CRYBG3: variants seen among roughly 807,000 people sequenced by gnomAD.
CRYBG3 encodes crystallin beta-gamma domain containing 3, also known as very large A-kinase anchor protein.
A neutral mutation model predicts 244.2 loss-of-function variants in CRYBG3; 127 were observed. That is an observed-to-expected ratio of 0.52 (90% CI 0.45 to 0.60). The LOEUF (loss-of-function observed/expected upper bound fraction) is 0.60, where lower values mean the gene tolerates loss of function less well. Among genes scored for constraint, CRYBG3 ranks in the 20% least tolerant of loss-of-function variants. The probability of loss-of-function intolerance (pLI) is 0.00; values close to 1 mark genes in which losing one functional copy is unlikely to be tolerated. For missense variants in CRYBG3, 3,325 were observed against 3,442.5 expected, an observed-to-expected ratio of 0.97 and a Z score of 0.85; for synonymous variants, 1,132 against 1,195.8, an observed-to-expected ratio of 0.95 and a Z score of 1.10.
intron 1 of CRYBG3, among the ~76,000 whole-genome samples, chr3:97,835,099 C>G (rs1158242301): frequency 6.6e-6 from 1 of 151,982 alleles, no homozygotes; most frequent in Non-Finnish European, 1.5e-5. Context: ...CAATAGTGCT[C>G]TAACATTTCT....
intron 1 of CRYBG3, among the ~76,000 whole-genome samples, chr3:97,823,894 A>G (rs534232770): frequency 6.6e-5 from 10 of 152,138 alleles, no homozygotes; most frequent in South Asian, 2.1e-4. Context: ...TCTCAATTCT[A>G]ATTTCTTTAC....
At chr3:97,942,586 C>A (rs984561421) in intron 21 of CRYBG3, 143 bp downstream of exon 21, 2 of 770,492 alleles carry the variant, frequency 2.6e-6, no homozygotes, top group Non-Finnish European at 2.0e-6. Context: ...TTAAGATAGG[C>A]AGTTTTACAA....
chr3:97,904,467 G>T (rs2039741166), intron 15 of CRYBG3, among the ~76,000 whole-genome samples: 1 of 152,038 alleles, frequency 6.6e-6, no homozygotes, highest in African/African-American at 2.4e-5. Flanking sequence ...CAAAAAACTG[G>T]AGGTGGCTAC....
intron 2 of CRYBG3, among the ~76,000 whole-genome samples, chr3:97,858,369 C>A (rs1208174341): frequency 6.6e-6 from 1 of 151,846 alleles, no homozygotes; most frequent in Non-Finnish European, 1.5e-5. Context: ...TCAGAAAGGA[C>A]CTTTTGAGGT....
At chr3:97,927,219 C>T (rs1180469224) in intron 17 of CRYBG3, among the ~76,000 whole-genome samples, 1 of 151,864 alleles carries the variant, frequency 6.6e-6, no homozygotes, top group Admixed American at 6.6e-5. Context: ...AAAAAACAGA[C>T]ACAGAGGCCA....
chr3:97,876,567 T>G lies in CRYBG3; in HGVS notation c.5373T>G (p.Thr1791=). Residue 1791 remains threonine, a synonymous_variant, in exon 4 of 22, where the codon ACT becomes ACG. Coordinates refer to ENST00000389622, the MANE Select transcript of CRYBG3 (RefSeq NM_153605.4). ...VLKMEATYRK[T]AEEVIKNTEI... is the part of the protein sequence containing the mutation. ...AAATGGAAGCTACTTACCGAAAGACTGCTGAAGAGGTCATTAAGAATACTG... is the reference window on the plus strand; with the variant it reads ...AAATGGAAGCTACTTACCGAAAGACGGCTGAAGAGGTCATTAAGAATACTG... 2.4e-6 allele frequency: 3 copies of G among 1,232,386 alleles called. No individual in the cohort carries two copies. The highest frequency in any genetic ancestry group is 3.0e-6 in the Non-Finnish European group (3 of 988,160). 76.3% of individuals were successfully genotyped at this position (1,232,386 alleles called of 1,614,324 possible). A position where few individuals can be genotyped will look rare whatever the true frequency, so the allele number is the denominator to read the frequency against.
chr3:97,877,142 G>C lies in CRYBG3; in HGVS notation c.5948G>C (p.Gly1983Ala). 3.1e-6 allele frequency: 5 copies of C among 1,613,860 alleles called. No individual in the cohort carries two copies. The highest frequency in any genetic ancestry group is 4.2e-6 in the Non-Finnish European group (5 of 1,179,832). Reference sequence around the variant, plus strand: ...AGAGAGACAGATTATAGTGACAAAGGATATAATTTAGCTTTTGTTTCTCAA... The same window carrying C: ...AGAGAGACAGATTATAGTGACAAAGCATATAATTTAGCTTTTGTTTCTCAA... ...KRRETDYSDK[G>A]YNLAFVSQDE... is the part of the protein sequence containing the mutation. Residue 1983 changes from glycine to alanine, a missense_variant, in exon 4 of 22, where the codon GGA (glycine) becomes GCA (alanine). Transcript: ENST00000389622.
Position 97,877,210 on chromosome 3 carries a change from C to T in CRYBG3, c.6016C>T (p.Pro2006Ser), listed in dbSNP as rs910189760. 1.2e-6 allele frequency: 2 copies of T among 1,613,760 alleles called. No homozygotes were observed. Among genetic ancestry groups the T allele is most frequent in the East Asian group, 2.2e-5 (1 of 44,870 alleles). ...TTCCTTTACTATATTATACGAAGAG[C>T]CCCTTCAAGAGGAGGACAAGTATGC... ...NSSFTILYEE[P>S]LQEEDKYASA... The change falls in exon 4 of 22, where the codon CCC (proline) becomes TCC (serine). Residue 2006 changes from proline (P) to serine (S), a missense_variant. By Grantham distance (74) the Pro-to-Ser change is moderately conservative. Transcript: ENST00000389622.
intron 3 of CRYBG3, among the ~76,000 whole-genome samples, chr3:97,865,532 A>G (rs923544223): frequency 5.9e-5 from 9 of 152,204 alleles, no homozygotes; most frequent in Non-Finnish European, 1.0e-4. Flanking sequence ...TGTGAAAATT[A>G]GATTAGAGTT....
chr3:97,879,389 G>A (rs2039419703), intron 4 of CRYBG3, among the ~76,000 whole-genome samples: 1 of 152,148 alleles, frequency 6.6e-6, no homozygotes, highest in Non-Finnish European at 1.5e-5. Flanking sequence ...CCTCCATGCT[G>A]GTGCCATTTC....
In CRYBG3 at chr3:97,822,267, C is replaced by A; in HGVS notation, c.61C>A (p.Pro21Thr). The change falls in exon 1 of 22, where the codon CCC becomes ACC. Residue 21 changes from proline (P) to threonine (T), a missense_variant. Around this residue, in one of 4 missense-constraint regions of CRYBG3, gnomAD observed 1,526 missense variants for 1,443.2 expected, o/e 1.06. Transcript: ENST00000389622. ...PWHSFSRFFA[P>T]RSPSRDKEEE... Reference sequence around the variant, plus strand: ...GCACAGCTTCTCCCGGTTCTTCGCTCCCCGAAGTCCTTCCCGGGACAAGGA... The same window carrying A: ...GCACAGCTTCTCCCGGTTCTTCGCTACCCGAAGTCCTTCCCGGGACAAGGA... The A allele has an allele frequency of 6.5e-7, 1 of 1,530,610 alleles. No homozygotes were observed. The highest frequency in any genetic ancestry group is 1.4e-5 in the African/African-American group (1 of 72,728). 94.8% of individuals were successfully genotyped at this position (1,530,610 alleles called of 1,614,324 possible).
At chr3:97,915,804 T>C (rs952164846) in intron 17 of CRYBG3, 68 bp downstream of exon 17, 16 of 1,198,698 alleles carry the variant, frequency 1.3e-5, no homozygotes, top group Admixed American at 6.7e-5. Flanking sequence ...CCACCAATGA[T>C]AATGTGAAGT....
chr3:97,901,991 T>C (rs189489151), intron 15 of CRYBG3, among the ~76,000 whole-genome samples: 78 of 152,300 alleles, frequency 5.1e-4, no homozygotes, highest in African/African-American at 1.7e-3. Context: ...CTTTACCCAG[T>C]ATCAAAGGTC....
Position 97,923,040 on chromosome 3 carries a change from G to A in CRYBG3, c.8241+7304G>A, listed in dbSNP as rs191133566. On this transcript the variant is annotated intron_variant, in intron 17 of 21. Coordinates refer to ENST00000389622, the MANE Select transcript of CRYBG3 (RefSeq NM_153605.4). ...AGGATGAGTTCATGTCCTTTGTAGG[G>A]ACATGGATGAAGCTGGAAACCATCA... 5.8e-3 allele frequency among the ~76,000 whole-genome samples: 876 copies of A among 152,260 alleles called. 5 individuals carry two copies. Among genetic ancestry groups the A allele is most frequent in the Admixed American group, 0.016 (243 of 15,284 alleles).
At chr3:97,910,814 GTC>G (rs1406222826) in intron 15 of CRYBG3, among the ~76,000 whole-genome samples, 2 of 152,196 alleles carry the variant, frequency 1.3e-5, no homozygotes, top group African/African-American at 4.8e-5. Flanking sequence ...CAGGAGAAAT[GTC>G]TCTGCATTTT....
At chr3:97,940,874 C>A (rs1396907206) in intron 19 of CRYBG3, among the ~76,000 whole-genome samples, 2 of 151,926 alleles carry the variant, frequency 1.3e-5, no homozygotes, top group Admixed American at 1.3e-4. Flanking sequence ...CCACTCCTCA[C>A]CACATGGAAT....
intron 2 of CRYBG3, among the ~76,000 whole-genome samples, chr3:97,848,767 A>T (rs904229891): frequency 1.3e-5 from 2 of 152,230 alleles, no homozygotes; most frequent in Non-Finnish European, 2.9e-5. Context: ...AAATAGTTGC[A>T]GCAGTATCAT....
At chr3:97,835,719 G>C (rs567935460) in intron 1 of CRYBG3, among the ~76,000 whole-genome samples, 6 of 152,092 alleles carry the variant, frequency 3.9e-5, no homozygotes, top group East Asian at 1.9e-4. Context: ...ATTTCAGTTG[G>C]GGGGGAGGTC....
At chr3:97,838,020 T>C (rs1023166028) in intron 1 of CRYBG3, among the ~76,000 whole-genome samples, 1 of 152,040 alleles carries the variant, frequency 6.6e-6, no homozygotes, top group Non-Finnish European at 1.5e-5. Flanking sequence ...TTTCTGTGAG[T>C]CTGTCCTGTG....
Sources: allele counts gnomAD v4.1 joint callset (sites outside exome capture counted in the v4.1 genomes callset), GRCh38; gene constraint gnomAD v4.1.1; regional missense constraint gnomAD v4.1.1; transcripts MANE v1.5; gene names NCBI Gene and HGNC (gene_info 2026-07-23, HGNC 2026-07-21).